Variants in KCNIP4 observed in about 807,000 individuals in gnomAD.
The protein encoded by KCNIP4 is Kv channel-interacting protein 4.
Under a neutral mutation model 34.0 loss-of-function variants are expected in KCNIP4, and 12 were observed. The observed-to-expected ratio is 0.35, with a 90% CI of 0.23 to 0.57. The LOEUF is 0.57. Among genes scored for constraint, KCNIP4 ranks in the 20% least tolerant of loss-of-function variants. KCNIP4 has a pLI of 0.83. For synonymous variants in KCNIP4, 124 were observed against 102.2 expected, an observed-to-expected ratio of 1.21 and a Z score of -1.29; for missense variants, 238 against 311.7, an observed-to-expected ratio of 0.76 and a Z score of 1.78.
At chr4:21,737,399 G>C (rs375519657) in intron 1 of KCNIP4, among the ~76,000 whole-genome samples, 1 of 151,752 alleles carries the variant, frequency 6.6e-6, no homozygotes, top group East Asian at 1.9e-4. Flanking sequence ...TCATGAAGTG[G>C]ACATTCAATG....
At chr4:21,527,057 G>C (rs1418054215) in intron 1 of KCNIP4, among the ~76,000 whole-genome samples, 3 of 152,110 alleles carry the variant, frequency 2.0e-5, no homozygotes, top group Non-Finnish European at 4.4e-5. Flanking sequence ...AAAGAATTTG[G>C]CTTATAACAT....
intron 3 of KCNIP4, among the ~76,000 whole-genome samples, chr4:20,760,699 C>T (rs17623927): frequency 0.043 from 6,571 of 152,202 alleles, 204 homozygotes; most frequent in Middle Eastern, 0.095. Flanking sequence ...TTGTTACACA[C>T]TAAGCCAGTG....
chr4:21,766,933 T>A (rs572927049), intron 1 of KCNIP4, among the ~76,000 whole-genome samples: 1 of 152,222 alleles, frequency 6.6e-6, no homozygotes, highest in South Asian at 2.1e-4. Flanking sequence ...AAAGACCCTG[T>A]CCTCTTGGGG....
intron 3 of KCNIP4, among the ~76,000 whole-genome samples, chr4:20,776,697 T>C (rs1212623404): frequency 6.6e-6 from 1 of 152,234 alleles, no homozygotes; most frequent in Non-Finnish European, 1.5e-5. Context: ...TTTTATTTTT[T>C]TCCATTTTAT....
rs71191533 is a variant in KCNIP4 at position 21,683,446 on chromosome 4, A to ATTTTTTTTTTTTTTTTTTTTT, written c.61+265104_61+265124dup. Among the ~76,000 whole-genome samples the ATTTTTTTTTTTTTTTTTTTTT allele has an allele frequency of 2.6e-4, 12 of 46,614 alleles. 2 individuals are homozygous for ATTTTTTTTTTTTTTTTTTTTT. The highest frequency in any genetic ancestry group is 7.0e-4 in the Admixed American group (2 of 2,852). 30.6% of individuals were successfully genotyped at this position (46,614 alleles called of 152,430 possible). On this transcript the variant is annotated intron_variant, in intron 1 of 8. Transcript: ENST00000382152. ...TACGACTAATGATTGGTGAAGCCAG[A>ATTTTTTTTTTTTTTTTTTTTT]TTTTTTTTTTTTTTTTTTTTTTTTT... is the stretch of plus-strand genomic sequence containing the variant.
At position 21,370,773 on chromosome 4, in the gene KCNIP4, A is replaced by G. The variant is rs1473733055; in HGVS notation, c.62-488064T>C. ...GAAGGAAAAATGACTGGCATGTTGG[A>G]GGAACAGACAGGAGGTCATGGATTG... On this transcript the variant is annotated intron_variant, in intron 1 of 8. Coordinates refer to ENST00000382152, the MANE Select transcript of KCNIP4 (RefSeq NM_025221.6). 2.7e-5 allele frequency among the ~76,000 whole-genome samples: 3 copies of G among 112,054 alleles called. 1 individual carries two copies. Among genetic ancestry groups the G allele is most frequent in the African/African-American group, 1.3e-4 (3 of 23,056 alleles). 73.5% of individuals were successfully genotyped at this position (112,054 alleles called of 152,430 possible). A position where few individuals can be genotyped will look rare whatever the true frequency, so the allele number is the denominator to read the frequency against.
intron 1 of KCNIP4, among the ~76,000 whole-genome samples, chr4:21,790,213 C>A (rs1272030938): frequency 6.6e-6 from 1 of 152,198 alleles, no homozygotes; most frequent in African/African-American, 2.4e-5. Flanking sequence ...AAACTAAGCA[C>A]TGTGCTCTCA....
At chr4:20,803,703 A>AAGAGAGAG (rs57764706) in intron 3 of KCNIP4, among the ~76,000 whole-genome samples, 1 of 125,796 alleles carries the variant, frequency 7.9e-6, no homozygotes, top group Non-Finnish European at 1.6e-5. Context: ...GAGAGAGAGA[A>AAGAGAGAG]AGAGAGAGAG....
chr4:21,388,911 T>C (rs1722281679), intron 1 of KCNIP4, among the ~76,000 whole-genome samples: 2 of 152,160 alleles, frequency 1.3e-5, no homozygotes, highest in Non-Finnish European at 2.9e-5. Flanking sequence ...TTGGGTTGTT[T>C]TCATCTTTTG....
intron 1 of KCNIP4, among the ~76,000 whole-genome samples, chr4:21,882,455 G>A (rs759592170): frequency 9.9e-5 from 15 of 152,066 alleles, no homozygotes; most frequent in Non-Finnish European, 1.5e-4. Flanking sequence ...AGACTTAGTT[G>A]ATCTTTAATG....
intron 1 of KCNIP4, among the ~76,000 whole-genome samples, chr4:21,696,436 T>G (rs1712327394): frequency 6.6e-6 from 1 of 152,138 alleles, no homozygotes; most frequent in South Asian, 2.1e-4. Flanking sequence ...TCTTTTTTTC[T>G]CTTTATTTAG....
chr4:21,452,335 C>T (rs1220840416), intron 1 of KCNIP4, among the ~76,000 whole-genome samples: 3 of 152,044 alleles, frequency 2.0e-5, no homozygotes, highest in Non-Finnish European at 4.4e-5. Flanking sequence ...TTAGAAGCTG[C>T]CAAGAGAAAA....
At chr4:20,824,810 A>C (rs941415187) in intron 3 of KCNIP4, among the ~76,000 whole-genome samples, 1 of 109,276 alleles carries the variant, frequency 9.2e-6, no homozygotes, top group African/African-American at 3.5e-5. Flanking sequence ...ATGTAACTGG[A>C]TTCTCATAAT....
intron 1 of KCNIP4, among the ~76,000 whole-genome samples, chr4:21,817,087 G>A (rs1010663175): frequency 6.6e-6 from 1 of 151,930 alleles, no homozygotes; most frequent in Non-Finnish European, 1.5e-5. Flanking sequence ...TGGTTCCTTT[G>A]CTCTTATTAT....
chr4:21,014,441 T>C (rs1187838528), intron 1 of KCNIP4, among the ~76,000 whole-genome samples: 2 of 152,240 alleles, frequency 1.3e-5, no homozygotes, highest in African/African-American at 2.4e-5. Flanking sequence ...AATGGAAATG[T>C]ACCCCTATGC....
At chr4:20,757,093 C>T (rs1404159135) in intron 4 of KCNIP4, among the ~76,000 whole-genome samples, 2 of 152,074 alleles carry the variant, frequency 1.3e-5, no homozygotes, top group Non-Finnish European at 2.9e-5. Flanking sequence ...AGATCATTAT[C>T]GCCCTATTCC....
chr4:20,866,439 T>C (rs1722888201), intron 2 of KCNIP4, among the ~76,000 whole-genome samples: 1 of 151,936 alleles, frequency 6.6e-6, no homozygotes, highest in Non-Finnish European at 1.5e-5. Context: ...CAGAAAAAGC[T>C]TTCAGTAACA....
chr4:21,649,816 T>C (rs558218332), intron 1 of KCNIP4, among the ~76,000 whole-genome samples: 1 of 152,298 alleles, frequency 6.6e-6, no homozygotes, highest in Non-Finnish European at 1.5e-5. Context: ...CTGTAGGGAA[T>C]GTGCTGAATG....
intron 3 of KCNIP4, among the ~76,000 whole-genome samples, chr4:20,766,391 C>T (rs1755416242): frequency 6.6e-6 from 1 of 152,024 alleles, no homozygotes; most frequent in South Asian, 2.1e-4. Context: ...CATGGTGAAA[C>T]CCTGTCTGTA....
Sources: allele counts gnomAD v4.1 joint callset (sites outside exome capture counted in the v4.1 genomes callset), GRCh38; gene constraint gnomAD v4.1.1; transcripts MANE v1.5; gene names NCBI Gene and HGNC (gene_info 2026-07-23, HGNC 2026-07-21).